Variants in DOCK5 observed in about 807,000 individuals in gnomAD.
DOCK5 encodes dedicator of cytokinesis protein 5.
A neutral mutation model predicts 251.8 loss-of-function variants in DOCK5; 142 were observed. The ratio of observed to expected loss-of-function variants is 0.56; its 90% CI spans 0.49 to 0.65. The LOEUF is 0.65. Ranked by LOEUF, DOCK5 falls within the 30% of genes least tolerant of loss-of-function variation. The pLI, the probability that DOCK5 is intolerant of heterozygous loss-of-function variation, is 0.00. For synonymous variants in DOCK5, 842 were observed against 835.5 expected (o/e 1.01, Z -0.13); for missense variants, 2,111 against 2,312.3 (o/e 0.91, Z 1.79).
At chr8:25,189,196 G>T (rs1202744814) in intron 1 of DOCK5, among the ~76,000 whole-genome samples, 6 of 151,182 alleles carry the variant, frequency 4.0e-5, no homozygotes, top group Non-Finnish European at 7.4e-5. Context: ...TAAGTTTTTT[G>T]ATTTTTTAAG....
At chr8:25,339,761 T>C (rs557086451) in intron 22 of DOCK5, among the ~76,000 whole-genome samples, 1 of 152,244 alleles carries the variant, frequency 6.6e-6, no homozygotes, top group African/African-American at 2.4e-5. Flanking sequence ...TTGTAGGCCA[T>C]AGTGAGGAGC....
intron 1 of DOCK5, among the ~76,000 whole-genome samples, chr8:25,236,898 C>A (rs929784525): frequency 2.0e-5 from 3 of 152,092 alleles, no homozygotes; most frequent in Non-Finnish European, 2.9e-5. Context: ...TGCGCCTGGC[C>A]ATAGTCATCT....
Position 25,299,030 on chromosome 8 carries a change from T to C in DOCK5, c.693T>C (p.Phe231=). The C allele has an allele frequency of 6.2e-7, 1 of 1,613,960 alleles. No homozygotes were observed. Among genetic ancestry groups the C allele is most frequent in the African/African-American group, 1.3e-5 (1 of 75,032 alleles). The change falls in exon 8 of 52, where the codon TTT becomes TTC. Residue 231 remains phenylalanine, a synonymous_variant. Transcript: ENST00000276440. ...TYGLYVNFKN[F]VCNIGEDAEL... is the part of the protein sequence containing the mutation. ...GCCTCTATGTGAACTTCAAGAACTT[T>C]GTCTGCAACATCGGGGAAGATGCAG...
chr8:25,374,949 TTG>T, intron 37 of DOCK5: 1 of 1,230,734 alleles, frequency 8.1e-7, no homozygotes, highest in Admixed American at 3.8e-5. Context: ...ATAAAAAAAT[TTG>T]TAAAACTGCA....
chr8:25,190,177 G>A (rs1801541524), intron 1 of DOCK5, among the ~76,000 whole-genome samples: 1 of 152,194 alleles, frequency 6.6e-6, no homozygotes, highest in Admixed American at 6.5e-5. Context: ...GTGAGCCACC[G>A]CTCCTGGCCC....
chr8:25,218,440 C>G (rs1397055932), intron 1 of DOCK5, among the ~76,000 whole-genome samples: 1 of 152,208 alleles, frequency 6.6e-6, no homozygotes, highest in Non-Finnish European at 1.5e-5. Context: ...TTTCACGCTG[C>G]TTGCCTCCAT....
At chr8:25,244,500 CTA>C (rs1342856258) in intron 2 of DOCK5, among the ~76,000 whole-genome samples, 12 of 152,206 alleles carry the variant, frequency 7.9e-5, no homozygotes, top group Non-Finnish European at 1.3e-4. Flanking sequence ...AAACCAAGAA[CTA>C]TGTTTAGGGT....
intron 44 of DOCK5, 55 bp from the exon 45 acceptor site, chr8:25,395,488 G>A: frequency 1.3e-6 from 2 of 1,560,012 alleles, no homozygotes; most frequent in Non-Finnish European, 1.7e-6. Context: ...ACTTTTTTCA[G>A]TCTTTACTTG....
intron 26 of DOCK5, among the ~76,000 whole-genome samples, chr8:25,349,902 C>T (rs985373844): frequency 6.6e-6 from 1 of 152,082 alleles, no homozygotes; most frequent in Non-Finnish European, 1.5e-5. Context: ...CTCGTACCCC[C>T]AAAACTATTG....
intron 44 of DOCK5, among the ~76,000 whole-genome samples, chr8:25,395,200 G>C (rs1506864): frequency 0.53 from 80,281 of 151,840 alleles, 23,231 homozygotes; most frequent in East Asian, 0.63. Flanking sequence ...GTTCACGATA[G>C]AGTTTGCACT....
chr8:25,414,379 C>T lies in DOCK5; in HGVS notation c.*3081C>T, dbSNP rs67878739. On this transcript the variant is annotated 3_prime_UTR_variant, in exon 52 of 52. Coordinates refer to ENST00000276440, the MANE Select transcript of DOCK5 (RefSeq NM_024940.8). ...ACTGCTGGGCCATGAGTTGCTTCCT[C>T]CTCCTCCACCTTAACCCTCTGATTC... is the stretch of plus-strand genomic sequence containing the variant. 55,195 of 151,926 alleles carry T rather than the reference C, an allele frequency of 0.36. 10,074 individuals carry two copies. Among genetic ancestry groups the T allele is most frequent in the East Asian group, 0.42 (2,174 of 5,150 alleles). 9.4% of individuals were successfully genotyped at this position (151,926 alleles called of 1,614,324 possible). A position where few individuals can be genotyped will look rare whatever the true frequency, so the allele number is the denominator to read the frequency against.
intron 5 of DOCK5, among the ~76,000 whole-genome samples, chr8:25,291,543 T>A (rs1804486174): frequency 6.6e-6 from 1 of 151,354 alleles, no homozygotes; most frequent in African/African-American, 2.4e-5. Context: ...ATTAGCTGGG[T>A]GTGGTGGCAT....
At position 25,372,576 on chromosome 8, in the gene DOCK5, G is replaced by A. The variant is rs747099045; in HGVS notation, c.3542G>A (p.Arg1181Gln). ...CCCTCCAGGCTCCTAGAACATTGCCGGAAACACAAATACCTCTCCAGCTCT... is the reference window on the plus strand; with the variant it reads ...CCCTCCAGGCTCCTAGAACATTGCCAGAAACACAAATACCTCTCCAGCTCT... ...LLEKLLLEHC[R>Q]KHKYLSSSGE... Residue 1181 changes from arginine to glutamine, a missense_variant, in exon 35 of 52, where the codon CGG (arginine) becomes CAG (glutamine). By Grantham distance (43) the Arg-to-Gln change is conservative (BLOSUM62 1). Around this residue, in one of 3 missense-constraint regions of DOCK5, gnomAD observed 1,717 missense variants for 1,892.4 expected, o/e 0.91. Coordinates refer to ENST00000276440, the MANE Select transcript of DOCK5 (RefSeq NM_024940.8). 19 of 1,580,448 alleles carry A rather than the reference G, an allele frequency of 1.2e-5. No individual in the cohort carries two copies. Among genetic ancestry groups the A allele is most frequent in the South Asian group, 3.5e-5 (3 of 84,668 alleles).
intron 42 of DOCK5, 47 bp from the exon 43 acceptor site, chr8:25,391,849 G>A (rs1208248360): frequency 1.3e-6 from 2 of 1,571,048 alleles, no homozygotes; most frequent in South Asian, 1.1e-5. Flanking sequence ...GTCAAGCAGT[G>A]GTTGTTCTAA....
intron 5 of DOCK5, among the ~76,000 whole-genome samples, chr8:25,284,914 G>C (rs1335715604): frequency 6.6e-6 from 1 of 152,150 alleles, no homozygotes; most frequent in Non-Finnish European, 1.5e-5. Context: ...AAATTCTAAG[G>C]TGTTTGGATG....
chr8:25,317,187 A>G, intron 14 of DOCK5, 56 bp downstream of exon 14: 2 of 1,591,750 alleles, frequency 1.3e-6, no homozygotes, highest in South Asian at 1.1e-5. Context: ...TACAATCACG[A>G]TAGAATCTTG....
intron 45 of DOCK5, 49 bp downstream of exon 45, chr8:25,395,768 G>A: frequency 1.3e-6 from 2 of 1,580,566 alleles, no homozygotes; most frequent in Non-Finnish European, 1.7e-6. Flanking sequence ...CTGGGTGTCT[G>A]TGTGCCTCCC....
At chr8:25,357,132 A>G (rs1013270926) in intron 27 of DOCK5, among the ~76,000 whole-genome samples, 3 of 151,602 alleles carry the variant, frequency 2.0e-5, no homozygotes, top group Non-Finnish European at 4.4e-5. Flanking sequence ...GTTCATGGAC[A>G]GACTGTTTAA....
chr8:25,406,252 C>G lies in DOCK5; in HGVS notation c.5094-1731C>G, dbSNP rs138153195. Among the ~76,000 whole-genome samples the G allele has an allele frequency of 2.1e-3, 326 of 152,348 alleles. 2 individuals carry two copies. In the South Asian group the frequency reaches 0.027, roughly 13 times the overall value. ...GGATTACAGGCGTGAGCCACCACACCTGGCCCTGTTTATTTTTTATACAAG... is the reference window on the plus strand; with the variant it reads ...GGATTACAGGCGTGAGCCACCACACGTGGCCCTGTTTATTTTTTATACAAG... On this transcript the variant is annotated intron_variant, in intron 48 of 51. Coordinates refer to ENST00000276440, the MANE Select transcript of DOCK5 (RefSeq NM_024940.8).
Sources: allele counts gnomAD v4.1 joint callset (sites outside exome capture counted in the v4.1 genomes callset), GRCh38; gene constraint gnomAD v4.1.1; regional missense constraint gnomAD v4.1.1; transcripts MANE v1.5; gene names NCBI Gene and HGNC (gene_info 2026-07-23, HGNC 2026-07-21).